PNLIP: variants seen among roughly 807,000 people sequenced by gnomAD.
PNLIP encodes the protein pancreatic triacylglycerol lipase.
Under a neutral mutation model 57.1 loss-of-function variants are expected in PNLIP, and 49 were observed. The observed-to-expected ratio is 0.86, with a 90% confidence interval of 0.68 to 1.09. The LOEUF is 1.09. PNLIP is among the 50% of genes least tolerant of loss of function. The pLI, the probability that PNLIP is intolerant of heterozygous loss-of-function variation, is 0.00. For missense variants in PNLIP, 503 were observed against 570.2 expected (o/e 0.88, Z 1.20); for synonymous variants, 209 against 200.4 (o/e 1.04, Z -0.36).
At position 116,560,449 on chromosome 10, in the gene PNLIP, G is replaced by GA; in HGVS notation, c.1100dup (p.Val368GlyfsTer13). 3 of 1,605,616 alleles carry GA rather than the reference G, an allele frequency of 1.9e-6. No homozygotes were observed. The highest frequency in any genetic ancestry group is 1.3e-5 in the African/African-American group (1 of 74,222). On this transcript the variant is annotated frameshift_variant, in exon 11 of 13. Coordinates refer to ENST00000369221, the MANE Select transcript of PNLIP (RefSeq NM_000936.4). LOFTEE classifies it high-confidence loss of function. Reference sequence around the variant, plus strand: ...TATAAGGTATCTGTCACACTGTCTGGAAAAAAGGTTACAGGACACATACTA... The same window carrying GA: ...TATAAGGTATCTGTCACACTGTCTGGAAAAAAAGGTTACAGGACACATACTA...
rs1349847483 is a variant in PNLIP, at chr10:116,556,058, C to T, written c.870C>T (p.Ser290=). ...HLRSYKYYTD[S]IVNPDGFAGF... ...GAAGCTACAAATATTACACTGATAGCATCGTCAACCCTGATGGCTTTGCTG... is the reference window on the plus strand; with the variant it reads ...GAAGCTACAAATATTACACTGATAGTATCGTCAACCCTGATGGCTTTGCTG... Residue 290 remains serine, a synonymous_variant, in exon 9 of 13, where the codon AGC becomes AGT. Transcript: ENST00000369221. 1.2e-6 allele frequency: 2 copies of T among 1,613,876 alleles called. No homozygotes were observed. Among genetic ancestry groups the T allele is most frequent in the Non-Finnish European group, 1.7e-6 (2 of 1,179,876 alleles).
At position 116,547,322 on chromosome 10, in the gene PNLIP, C is replaced by G; in HGVS notation, c.75C>G (p.Gly25=). The G allele has an allele frequency of 6.2e-7, 1 of 1,614,070 alleles. No individual in the cohort carries two copies. Among genetic ancestry groups the G allele is most frequent in the South Asian group, 1.1e-5 (1 of 91,072 alleles). ...AGKEVCYERL[G]CFSDDSPWSG... The stretch of plus-strand genomic sequence containing the variant: ...AAGAAGTTTGCTACGAAAGACTCGG[C>G]TGCTTCAGTGATGACTCCCCATGGT... The change falls in exon 3 of 13, where the codon GGC becomes GGG. Residue 25 remains glycine (G), a synonymous_variant. Transcript: ENST00000369221.
chr10:116,548,622 A>G (rs1847156301), intron 4 of PNLIP, 140 bp downstream of exon 4: 1 of 932,332 alleles, frequency 1.1e-6, no homozygotes, highest in African/African-American at 1.7e-5. Flanking sequence ...TGGAGTTCCT[A>G]GGGGAGGTCA....
At chr10:116,561,408 AAT>A in intron 11 of PNLIP, 62 bp from the exon 12 acceptor site, 1 of 1,243,412 alleles carries the variant, frequency 8.0e-7, no homozygotes, top group Non-Finnish European at 1.1e-6. Context: ...CATACACACA[AAT>A]ATATATGTAT....
chr10:116,567,649 G>C (rs946560261), intron 12 of PNLIP, 86 bp from the exon 13 acceptor site: 1 of 1,090,062 alleles, frequency 9.2e-7, no homozygotes, highest in Non-Finnish European at 1.4e-6. Flanking sequence ...CAGACTAGGA[G>C]GTTGGGGGCA....
intron 11 of PNLIP, among the ~76,000 whole-genome samples, chr10:116,560,740 G>T (rs1263075046): frequency 6.6e-6 from 1 of 151,470 alleles, no homozygotes; most frequent in Non-Finnish European, 1.5e-5. Flanking sequence ...ACCACGCCTG[G>T]CTAATTTTTG....
intron 12 of PNLIP, among the ~76,000 whole-genome samples, chr10:116,565,249 CA>C (rs71010093): frequency 2.2e-3 from 72 of 33,396 alleles, no homozygotes; most frequent in Middle Eastern, 0.062. Flanking sequence ...GACAATGTCT[CA>C]AAAAAAAAAA....
At position 116,548,449 on chromosome 10, in the gene PNLIP, G is replaced by A. The variant is rs769515898; in HGVS notation, c.291G>A (p.Lys97=). Residue 97 remains lysine, a synonymous_variant, in exon 4 of 13, where the codon AAG becomes AAA. Coordinates refer to ENST00000369221, the MANE Select transcript of PNLIP (RefSeq NM_000936.4). ...TRFIIHGFID[K]GEENWLANVC... ...TTATTATTCATGGATTCATAGACAA[G>A]GGAGAAGAAAACTGGCTGGCCAATG... is the stretch of plus-strand genomic sequence containing the variant. The A allele has an allele frequency of 6.2e-7, 1 of 1,614,012 alleles. No homozygotes were observed. Among genetic ancestry groups the A allele is most frequent in the Non-Finnish European group, 8.5e-7 (1 of 1,179,918 alleles).
At chr10:116,549,202 G>A (rs1247717959) in intron 4 of PNLIP, among the ~76,000 whole-genome samples, 2 of 152,326 alleles carry the variant, frequency 1.3e-5, no homozygotes, top group East Asian at 3.9e-4. Flanking sequence ...CACAGGCTGG[G>A]TGTGGTGGCT....
intron 4 of PNLIP, among the ~76,000 whole-genome samples, chr10:116,549,779 A>G (rs1847170862): frequency 6.6e-6 from 1 of 152,174 alleles, no homozygotes; most frequent in Admixed American, 6.5e-5. Context: ...GTTACCTTTG[A>G]TATGGCTATG....
chr10:116,560,914 T>C (rs1227486106), intron 11 of PNLIP, among the ~76,000 whole-genome samples: 1 of 152,168 alleles, frequency 6.6e-6, no homozygotes, highest in African/African-American at 2.4e-5. Context: ...ACATGTATAA[T>C]GTATGTCATC....
chr10:116,563,906 A>T (rs1370198619), intron 12 of PNLIP, among the ~76,000 whole-genome samples: 1 of 152,172 alleles, frequency 6.6e-6, no homozygotes, highest in Non-Finnish European at 1.5e-5. Flanking sequence ...TTAAAAGAAC[A>T]TCAGTGATCT....
intron 2 of PNLIP, among the ~76,000 whole-genome samples, chr10:116,546,568 A>G (rs910876856): frequency 1.3e-5 from 2 of 152,152 alleles, no homozygotes; most frequent in Non-Finnish European, 2.9e-5. Context: ...TGTCTGCAAA[A>G]TGGGGAGAGT....
chr10:116,562,308 C>G (rs1847323317), intron 12 of PNLIP, among the ~76,000 whole-genome samples: 1 of 152,094 alleles, frequency 6.6e-6, no homozygotes, highest in Non-Finnish European at 1.5e-5. Context: ...GTAACAGAGC[C>G]CAGATTTACT....
chr10:116,549,980 G>A (rs1847173047), intron 4 of PNLIP, among the ~76,000 whole-genome samples: 1 of 149,650 alleles, frequency 6.7e-6, no homozygotes, highest in Admixed American at 6.7e-5. Context: ...TCTTTTCCCT[G>A]CTTTGGATTT....
chr10:116,547,394 A>G lies in PNLIP; in HGVS notation c.147A>G (p.Lys49=). Residue 49 remains lysine (K), a synonymous_variant, in exon 3 of 13, where the codon AAA becomes AAG. Coordinates refer to ENST00000369221, the MANE Select transcript of PNLIP (RefSeq NM_000936.4). ...TCCATATATTGCCTTGGTCTCCAAAAGATGTCAACACCCGCTTCCTCCTAT... is the reference window on the plus strand; with the variant it reads ...TCCATATATTGCCTTGGTCTCCAAAGGATGTCAACACCCGCTTCCTCCTAT... ...RPLHILPWSP[K]DVNTRFLLYT... is the part of the protein sequence containing the mutation. 1 of 1,614,120 alleles carries G rather than the reference A, an allele frequency of 6.2e-7. No homozygotes were observed. The highest frequency in any genetic ancestry group is 8.5e-7 in the Non-Finnish European group (1 of 1,179,988).
intron 12 of PNLIP, among the ~76,000 whole-genome samples, chr10:116,565,073 C>T (rs1048279259): frequency 3.3e-5 from 5 of 151,584 alleles, no homozygotes; most frequent in African/African-American, 9.7e-5. Context: ...ATGGCTAACA[C>T]GGTGAAACCC....
At chr10:116,565,400 C>G (rs112925136) in intron 12 of PNLIP, among the ~76,000 whole-genome samples, 10,699 of 151,132 alleles carry the variant, frequency 0.071, 436 homozygotes, top group South Asian at 0.09. Flanking sequence ...GAAGACAAAA[C>G]TTACCCCACT....
intron 5 of PNLIP, among the ~76,000 whole-genome samples, chr10:116,552,204 C>T (rs1322208544): frequency 6.6e-6 from 1 of 152,148 alleles, no homozygotes; most frequent in Non-Finnish European, 1.5e-5. Flanking sequence ...TACATATTTA[C>T]TACACTTTTT....
Sources: allele counts gnomAD v4.1 joint callset (sites outside exome capture counted in the v4.1 genomes callset), GRCh38; gene constraint gnomAD v4.1.1; transcripts MANE v1.5; gene names NCBI Gene and HGNC (gene_info 2026-07-23, HGNC 2026-07-21).